Variants in IQSEC1 observed in about 807,000 individuals in gnomAD.
The protein encoded by IQSEC1 is IQ motif and SEC7 domain-containing protein 1.
In IQSEC1, 31 loss-of-function variants were observed where a neutral mutation model predicts 91.0. The ratio of observed to expected loss-of-function variants is 0.34; its 90% CI spans 0.26 to 0.46. IQSEC1 has a LOEUF of 0.46. IQSEC1 is among the 20% of genes least tolerant of loss of function. The pLI is 1.00. For missense variants in IQSEC1, 1,388 were observed against 1,575.6 expected (o/e 0.88, Z 2.02); for synonymous variants, 699 against 662.6 (o/e 1.05, Z -0.84).
chr3:13,041,173 C>A (rs577537922), intron 1 of IQSEC1, among the ~76,000 whole-genome samples: 18 of 152,080 alleles, frequency 1.2e-4, no homozygotes, highest in African/African-American at 4.1e-4. Flanking sequence ...CACCGAATCA[C>A]TGACAGCCGG....
At chr3:13,033,871 A>T (rs566739224) in intron 1 of IQSEC1, among the ~76,000 whole-genome samples, 1 of 152,190 alleles carries the variant, frequency 6.6e-6, no homozygotes, top group East Asian at 1.9e-4. Flanking sequence ...ATCCAGAAAC[A>T]CCCCACAGAC....
At chr3:13,028,424 G>C (rs1182125389) in intron 1 of IQSEC1, among the ~76,000 whole-genome samples, 1 of 152,198 alleles carries the variant, frequency 6.6e-6, no homozygotes, top group East Asian at 1.9e-4. Flanking sequence ...CAGTCTTATC[G>C]AGTTATGCCA....
intron 1 of IQSEC1, among the ~76,000 whole-genome samples, chr3:12,964,415 G>A (rs935707655): frequency 6.6e-6 from 1 of 152,092 alleles, no homozygotes; most frequent in Non-Finnish European, 1.5e-5. Flanking sequence ...CTTACTGGGC[G>A]GATATTCCAC....
At chr3:12,926,205 G>A (rs1037774868) in intron 3 of IQSEC1, among the ~76,000 whole-genome samples, 1 of 152,144 alleles carries the variant, frequency 6.6e-6, no homozygotes, top group Admixed American at 6.5e-5. Flanking sequence ...AGCTACTCAG[G>A]AGGCTGAGGC....
intron 1 of IQSEC1, among the ~76,000 whole-genome samples, chr3:13,190,392 C>A (rs74518666): frequency 0.093 from 14,072 of 151,166 alleles, 822 homozygotes; most frequent in East Asian, 0.3. Flanking sequence ...AGAGCAAAAC[C>A]TCATCTCTAT....
intron 1 of IQSEC1, among the ~76,000 whole-genome samples, chr3:13,278,774 A>G (rs1695738211): frequency 6.6e-6 from 1 of 150,800 alleles, no homozygotes; most frequent in Non-Finnish European, 1.5e-5. Flanking sequence ...AGCCGAGATC[A>G]CATCATTGCA....
chr3:13,135,295 T>C (rs1019788741), intron 2 of IQSEC1, among the ~76,000 whole-genome samples: 36 of 152,200 alleles, frequency 2.4e-4, no homozygotes, highest in African/African-American at 8.2e-4. Flanking sequence ...TCTAAAGGGA[T>C]TGTCCTGGGA....
chr3:13,050,636 G>C (rs1054711587), intron 1 of IQSEC1, among the ~76,000 whole-genome samples: 1 of 152,224 alleles, frequency 6.6e-6, no homozygotes, highest in Non-Finnish European at 1.5e-5. Flanking sequence ...CCACCTACTA[G>C]CTGAGTGCCC....
At chr3:13,166,531 G>A (rs1403600325) in intron 1 of IQSEC1, among the ~76,000 whole-genome samples, 2 of 152,236 alleles carry the variant, frequency 1.3e-5, no homozygotes, top group African/African-American at 4.8e-5. Context: ...GGTGGCCTCA[G>A]TAGTCACTTA....
chr3:13,069,265 G>A (rs1450185037), intron 1 of IQSEC1, among the ~76,000 whole-genome samples: 1 of 149,698 alleles, frequency 6.7e-6, no homozygotes, highest in Non-Finnish European at 1.5e-5. Context: ...CTCTCGGTGG[G>A]CTGGGGCTGC....
intron 1 of IQSEC1, among the ~76,000 whole-genome samples, chr3:13,203,875 G>C (rs1040546549): frequency 6.6e-6 from 1 of 152,234 alleles, no homozygotes. Flanking sequence ...GGCCCTGAGC[G>C]TGCCAGTGAA....
intron 2 of IQSEC1, among the ~76,000 whole-genome samples, chr3:13,117,173 T>C (rs756490397): frequency 2.0e-5 from 3 of 150,840 alleles, no homozygotes; most frequent in Admixed American, 6.7e-5. Flanking sequence ...TGAATAGACC[T>C]TTCTACAAAA....
At chr3:13,281,192 GC>G (rs1258235494) in intron 1 of IQSEC1, among the ~76,000 whole-genome samples, 5 of 152,210 alleles carry the variant, frequency 3.3e-5, no homozygotes, top group African/African-American at 4.8e-5. Flanking sequence ...TCCTTGGGCA[GC>G]CCCAGCTTCT....
chr3:13,040,890 C>T (rs191181550), intron 1 of IQSEC1, among the ~76,000 whole-genome samples: 27 of 152,338 alleles, frequency 1.8e-4, no homozygotes, highest in African/African-American at 6.5e-4. Flanking sequence ...CGACTCATGC[C>T]TGGCTAGCTG....
chr3:13,190,309 C>T (rs1296278550), intron 1 of IQSEC1, among the ~76,000 whole-genome samples: 3 of 152,236 alleles, frequency 2.0e-5, no homozygotes, highest in Admixed American at 6.5e-5. Context: ...TCCTGGCTCA[C>T]GCCCGAAATC....
chr3:12,924,544 G>A lies in IQSEC1; in HGVS notation c.1730+37C>T, dbSNP rs769745864. 1.9e-6 allele frequency: 3 copies of A among 1,546,640 alleles called. No individual in the cohort carries two copies. Among genetic ancestry groups the A allele is most frequent in the Non-Finnish European group, 2.6e-6 (3 of 1,138,420 alleles). On this transcript the variant is annotated intron_variant, in intron 4 of 13. Coordinates refer to ENST00000613206, the MANE Select transcript of IQSEC1 (RefSeq NM_001134382.3). The surrounding 1 kb of genome is among the most constrained non-coding windows in gnomAD (Gnocchi z 6.3). ...ACACAGGGTGCGTGAGGGCGTGTGT[G>A]GAATCAGGTCCCCCACCACCCCCAT...
chr3:13,136,201 A>T lies in IQSEC1; in HGVS notation c.302+27903T>A, dbSNP rs1378364282. 3.3e-5 allele frequency among the ~76,000 whole-genome samples: 5 copies of T among 152,232 alleles called. No individual in the cohort carries two copies. In the East Asian group the frequency reaches 9.6e-4, roughly 29 times the overall value. On this transcript the variant is annotated intron_variant, in intron 2 of 15. Coordinates refer to the IQSEC1 transcript ENST00000648114. ...AGGGCCTTGGGACTGAGGATTTCAC[A>T]AAGGCTTCTCCGGCTGAGACTGATG...
intron 1 of IQSEC1, among the ~76,000 whole-genome samples, chr3:12,963,471 A>T (rs1576058940): frequency 1.3e-5 from 2 of 152,246 alleles, no homozygotes; most frequent in East Asian, 3.8e-4. Context: ...AATCATTTTA[A>T]CTCAGCAACA....
At chr3:13,241,627 C>T (rs1055222221) in intron 1 of IQSEC1, among the ~76,000 whole-genome samples, 4 of 152,252 alleles carry the variant, frequency 2.6e-5, no homozygotes, top group Admixed American at 2.0e-4. Context: ...AATGTCCCCA[C>T]CGTTCATGAC....
Sources: allele counts gnomAD v4.1 joint callset (sites outside exome capture counted in the v4.1 genomes callset), GRCh38; gene constraint gnomAD v4.1.1; non-coding constraint Gnocchi (gnomAD v3.1); transcripts MANE v1.5; gene names NCBI Gene and HGNC (gene_info 2026-07-23, HGNC 2026-07-21).